The following DNAH10 variants were observed in gnomAD, a reference collection of about 807,000 sequenced individuals.
The protein encoded by DNAH10 is axonemal beta dynein heavy chain 10.
In DNAH10, 348 loss-of-function variants were observed where a neutral mutation model predicts 506.6. The observed-to-expected ratio is 0.69, with a 90% CI of 0.63 to 0.75. The LOEUF is 0.75. Among genes scored for constraint, DNAH10 ranks in the 30% least tolerant of loss-of-function variants. The pLI is 0.00. For missense variants in DNAH10, 5,179 were observed against 5,787.1 expected (o/e 0.89, Z 3.41); for synonymous variants, 2,059 against 2,198.6 (o/e 0.94, Z 1.78).
intron 41 of DNAH10, 91 bp downstream of exon 41, chr12:123,866,164 G>T (rs1383938558): frequency 9.0e-7 from 1 of 1,105,488 alleles, no homozygotes; most frequent in Middle Eastern, 2.9e-4. Context: ...AGTTGAAGGC[G>T]ATGACTTTGT....
rs887345742 is a variant in DNAH10 at position 123,881,695 on chromosome 12, A to C, written c.8705A>C (p.His2902Pro). ...GTTCTCTTCGACGATGCTCTGGAGC[A>C]TTTAACCCGGGTGCACCGTATCATC... ...NLVLFDDALE[H>P]LTRVHRIIRM... The change falls in exon 51 of 79, where the codon CAT (histidine) becomes CCT (proline). Residue 2902 changes from histidine (H) to proline (P), a missense_variant. His to Pro is a moderately conservative substitution (Grantham distance 77). Transcript: ENST00000673944. 3 of 1,550,502 alleles carry C rather than the reference A, an allele frequency of 1.9e-6. No individual in the cohort carries two copies. In the South Asian group the frequency reaches 3.6e-5, roughly 19 times the overall value.
intron 76 of DNAH10, 34 bp from the exon 77 acceptor site, chr12:123,933,297 C>T (rs1337249438): frequency 7.1e-7 from 1 of 1,416,244 alleles, no homozygotes; most frequent in Non-Finnish European, 9.3e-7. Context: ...ATGGCAGCCC[C>T]AGGCTCCCAG....
chr12:123,867,342 A>T, intron 41 of DNAH10, 125 bp from the exon 42 acceptor site: 2 of 1,067,610 alleles, frequency 1.9e-6, no homozygotes, highest in Middle Eastern at 3.1e-4. Flanking sequence ...GGATTTCCTC[A>T]CCTGCCAAAT....
At chr12:123,826,278 G>A (rs1959984216) in intron 24 of DNAH10, among the ~76,000 whole-genome samples, 1 of 152,176 alleles carries the variant, frequency 6.6e-6, no homozygotes, top group South Asian at 2.1e-4. Context: ...GTGATCTAGA[G>A]TGTAAATATT....
Position 123,846,179 on chromosome 12 carries a change from G to T in DNAH10, c.5814+25G>T, listed in dbSNP as rs76151644. On this transcript the variant is annotated intron_variant, in intron 32 of 78. Transcript: ENST00000673944. The surrounding 1 kb of genome is among the most constrained non-coding windows in gnomAD (Gnocchi z 4.5). ...GGTGACTGCCAGCCTGGCACTTGTG[G>T]TTACCACTTACCTTGGGGCGGGGCA... 7,849 of 1,602,182 alleles carry T rather than the reference G, an allele frequency of 4.9e-3. 284 individuals are homozygous for T. In the African/African-American group the frequency reaches 0.09, roughly 18 times the overall value.
intron 39 of DNAH10, among the ~76,000 whole-genome samples, chr12:123,864,387 C>T (rs562910981): frequency 2.0e-4 from 31 of 151,992 alleles, no homozygotes; most frequent in Admixed American, 1.1e-3. Context: ...CCTCGCGATC[C>T]GCCCACCTTG....
At position 123,903,800 on chromosome 12, in the gene DNAH10, G is replaced by T. The variant is rs1847121986; in HGVS notation, c.9815+687G>T. On this transcript the variant is annotated intron_variant, in intron 57 of 78. Coordinates refer to ENST00000673944, the MANE Select transcript of DNAH10 (RefSeq NM_001372106.1). The surrounding 1 kb of genome is among the most constrained non-coding windows in gnomAD (Gnocchi z 4.6). ...GGGAGGGAACACTGTCCTGGTGCCA[G>T]CCTCCGCCCACTGCCTCTGCCCCTG... is the stretch of plus-strand genomic sequence containing the variant. Among the ~76,000 whole-genome samples the T allele has an allele frequency of 6.6e-6, 1 of 152,086 alleles. No homozygotes were observed. The highest frequency in any genetic ancestry group is 2.4e-5 in the African/African-American group (1 of 41,344).
In DNAH10 at chr12:123,850,961, G is replaced by GCA; in HGVS notation, c.6178_6179dup (p.Glu2061ArgfsTer7). 6.2e-7 allele frequency: 1 copy of GCA among 1,613,998 alleles called. No homozygotes were observed. Among genetic ancestry groups the GCA allele is most frequent in the Non-Finnish European group, 8.5e-7 (1 of 1,179,942 alleles). On this transcript the variant is annotated frameshift_variant, in exon 35 of 79. Transcript: ENST00000673944. LOFTEE classifies it high-confidence loss of function. The surrounding 1 kb of genome is among the most constrained non-coding windows in gnomAD (Gnocchi z 5.5). Reference sequence around the variant, plus strand: ...ACCATGAACCCCGGCTACGCAGGCCGCACGGAGCTGCCCGAGTCGGTGAAG... The same window carrying GCA: ...ACCATGAACCCCGGCTACGCAGGCCGCACACGGAGCTGCCCGAGTCGGTGAAG...
chr12:123,864,604 A>G lies in DNAH10; in HGVS notation c.6918A>G (p.Leu2306=), dbSNP rs1380678530. 1 of 1,613,578 alleles carries G rather than the reference A, an allele frequency of 6.2e-7. No homozygotes were observed. Among genetic ancestry groups the G allele is most frequent in the Non-Finnish European group, 8.5e-7 (1 of 1,179,810 alleles). ...TCTTTGGTTGCTGCAGGTATATTTT[A>G]TTTGATGGTGATGTGGATGCTCTAT... The part of the protein sequence containing the change: ...PTDKKERKYI[L]FDGDVDALWV... The change falls in exon 40 of 79, where the codon TTA becomes TTG. Residue 2306 remains leucine, a synonymous_variant. Transcript: ENST00000673944.
chr12:123,931,008 T>G (rs771558826), intron 73 of DNAH10, among the ~76,000 whole-genome samples: 1 of 151,584 alleles, frequency 6.6e-6, no homozygotes, highest in Non-Finnish European at 1.5e-5. Context: ...CCAAGCAAGA[T>G]CCCATCTCTA....
rs763564525 is a variant in DNAH10, at chr12:123,907,262, G to A, written c.9816-1999G>A. On this transcript the variant is annotated intron_variant, in intron 57 of 78. Coordinates refer to ENST00000673944, the MANE Select transcript of DNAH10 (RefSeq NM_001372106.1). This position sits in a 1 kb window ranked among gnomAD's most constrained non-coding sequence, Gnocchi z 4.4. ...CCTTCTCTGAGATTGCAAGGAGCTCGGCTGGAGAAAAAGCAGAGACAGCTG... is the reference window on the plus strand; with the variant it reads ...CCTTCTCTGAGATTGCAAGGAGCTCAGCTGGAGAAAAAGCAGAGACAGCTG... 2.6e-5 allele frequency among the ~76,000 whole-genome samples: 4 copies of A among 152,200 alleles called. No homozygotes were observed. The highest frequency in any genetic ancestry group is 4.8e-5 in the African/African-American group (2 of 41,466).
At chr12:123,895,707 G>A (rs1000166704) in intron 54 of DNAH10, among the ~76,000 whole-genome samples, 2 of 152,174 alleles carry the variant, frequency 1.3e-5, no homozygotes, top group East Asian at 1.9e-4. Context: ...TCTCAGAGGC[G>A]TATTTGCCGT....
chr12:123,813,871 G>A lies in DNAH10; in HGVS notation c.3739G>A (p.Val1247Ile), dbSNP rs764160685. ...AGTCATGGAACTCAGATATAGGGAC[G>A]TCCAGGAGCGATACCGTACCATGGC... ...SLVMELRYRD[V>I]QERYRTMAMY... The change falls in exon 21 of 79, where the codon GTC becomes ATC. Residue 1247 changes from valine (V) to isoleucine (I), a missense_variant. Val to Ile is a conservative substitution (Grantham distance 29, BLOSUM62 3). This residue lies in a region of DNAH10 where 4,844 missense variants were observed against 5,430.5 expected (regional missense o/e 0.89). Coordinates refer to ENST00000673944, the MANE Select transcript of DNAH10 (RefSeq NM_001372106.1). The A allele has an allele frequency of 9.9e-6, 16 of 1,610,384 alleles. No homozygotes were observed. The South Asian group carries it at 1.8e-4, about 18-fold the overall frequency.
At chr12:123,770,268 ATT>A in intron 2 of DNAH10, among the ~76,000 whole-genome samples, 1 of 151,238 alleles carries the variant, frequency 6.6e-6, no homozygotes, top group South Asian at 2.1e-4. Context: ...TTTTTTTAAA[ATT>A]TTTTTTGTAG....
chr12:123,787,665 T>G lies in DNAH10; in HGVS notation c.1422-139T>G. ...GGACAGGGCAGCCGCTTGCCCGCTC[T>G]GCCTTTTCCGATGAGGCCGTGAAAC... On this transcript the variant is annotated intron_variant, in intron 9 of 78. Coordinates refer to ENST00000673944, the MANE Select transcript of DNAH10 (RefSeq NM_001372106.1). This position sits in a 1 kb window ranked among gnomAD's most constrained non-coding sequence, Gnocchi z 4.6. 1 of 1,010,892 alleles carries G rather than the reference T, an allele frequency of 9.9e-7. No individual in the cohort carries two copies. The highest frequency in any genetic ancestry group is 1.5e-5 in the South Asian group (1 of 66,796). The allele number at this position is 1,010,892 out of a possible 1,614,324, so 62.6% of individuals were successfully genotyped here.
chr12:123,919,998 T>G lies in DNAH10; in HGVS notation c.11506+1049T>G, dbSNP rs1166899105. On this transcript the variant is annotated intron_variant, in intron 65 of 78. Coordinates refer to ENST00000673944, the MANE Select transcript of DNAH10 (RefSeq NM_001372106.1). The surrounding 1 kb of genome is among the most constrained non-coding windows in gnomAD (Gnocchi z 4.9). ...ATCTAGAAAGGGAACTGCTGGGTCA[T>G]AGGGTAATTCTATGTCTAACTTTTG... 6.6e-6 allele frequency among the ~76,000 whole-genome samples: 1 copy of G among 152,254 alleles called. No individual in the cohort carries two copies. The highest frequency in any genetic ancestry group is 2.1e-4 in the South Asian group (1 of 4,830).
chr12:123,835,342 T>C, intron 27 of DNAH10, 64 bp from the exon 28 acceptor site: 1 of 1,572,144 alleles, frequency 6.4e-7, no homozygotes, highest in South Asian at 1.2e-5. Context: ...GGATGGGGCT[T>C]TGCCATCCAC....
rs1373620304 is a variant in DNAH10, at chr12:123,907,521, C to T, written c.9816-1740C>T. Among the ~76,000 whole-genome samples, 1 of 152,142 alleles carries T rather than the reference C, an allele frequency of 6.6e-6. No individual in the cohort carries two copies. Among genetic ancestry groups the T allele is most frequent in the African/African-American group, 2.4e-5 (1 of 41,420 alleles). ...TGGTATGTTCTGGATAAGTGAGATC[C>T]CAGAGCGTGGCCTGCAACCCAACAG... On this transcript the variant is annotated intron_variant, in intron 57 of 78. Coordinates refer to ENST00000673944, the MANE Select transcript of DNAH10 (RefSeq NM_001372106.1). The surrounding 1 kb of genome is among the most constrained non-coding windows in gnomAD (Gnocchi z 4.4).
Position 123,931,385 on chromosome 12 carries a change from G to C in DNAH10, c.12829G>C (p.Gly4277Arg). The change falls in exon 74 of 79, where the codon GGT becomes CGT. Residue 4277 changes from glycine (G) to arginine (R), a missense_variant. By Grantham distance (125) the Gly-to-Arg change is moderately radical. This residue lies in a region of DNAH10 where 4,844 missense variants were observed against 5,430.5 expected (regional missense o/e 0.89). Coordinates refer to ENST00000673944, the MANE Select transcript of DNAH10 (RefSeq NM_001372106.1). ...LPLANTPEVF[G>R]LHPNAEIGYY... ...GCTTGCCAACACGCCAGAAGTGTTT[G>C]GTCTCCACCCCAACGCTGAGATTGG... is the stretch of plus-strand genomic sequence containing the variant. 2 of 1,613,976 alleles carry C rather than the reference G, an allele frequency of 1.2e-6. No homozygotes were observed. Among genetic ancestry groups the C allele is most frequent in the Non-Finnish European group, 1.7e-6 (2 of 1,179,910 alleles).
Sources: gnomAD v4.1 joint callset for allele counts (sites outside exome capture counted in the v4.1 genomes callset) on GRCh38, gnomAD v4.1.1 for gene constraint, gnomAD v4.1.1 regional missense constraint, Gnocchi (gnomAD v3.1) non-coding constraint, MANE v1.5 for transcripts, NCBI Gene and HGNC (gene_info 2026-07-23, HGNC 2026-07-21) for gene names.